ANKRD36C: variants seen among roughly 807,000 people sequenced by gnomAD.
The protein encoded by ANKRD36C is ankyrin repeat domain-containing protein 36C.
ANKRD36C carries 61 observed loss-of-function variants against 276.4 expected under a neutral mutation model. The ratio of observed to expected loss-of-function variants is 0.22; its 90% confidence interval spans 0.18 to 0.27. The LOEUF (loss-of-function observed/expected upper bound fraction) is 0.27. ANKRD36C is among the 10% of genes least tolerant of loss of function. The pLI is 1.00. For missense variants in ANKRD36C, 1,447 were observed against 2,032.3 expected (o/e 0.71, Z 5.54); for synonymous variants, 483 against 680.1 (o/e 0.71, Z 4.51).
Position 95,902,941 on chromosome 2 carries a change from T to C in ANKRD36C, c.2654-3605A>G. ...CTCTGGCTATATTCAAAAGAGAATC[T>C]TTCTCGTCTCTTGTAGCCTGAATGG... On this transcript the variant is annotated intron_variant, in intron 42 of 66. Transcript: ENST00000456556. The C allele has an allele frequency of 2.5e-6, 4 of 1,590,512 alleles. 1 individual carries two copies. The Admixed American group carries it at 6.8e-5, about 27-fold the overall frequency.
chr2:95,991,707 A>G (rs1679147502), exon 1 of ANKRD36C: 1 of 1,612,494 alleles, frequency 6.2e-7, no homozygotes, highest in Non-Finnish European at 8.5e-7. Flanking sequence ...CTTGTCATCC[A>G]TAATGGTCGG....
At chr2:95,892,108 A>G (rs968672739) in intron 44 of ANKRD36C, among the ~76,000 whole-genome samples, 4 of 151,570 alleles carry the variant, frequency 2.6e-5, no homozygotes, top group Non-Finnish European at 5.9e-5. Context: ...AAACTAAAAT[A>G]AAACCGTGTC....
At chr2:95,903,260 C>T (rs1676710670) in intron 42 of ANKRD36C, among the ~76,000 whole-genome samples, 179 bp from the exon 53 acceptor site, 1 of 150,512 alleles carries the variant, frequency 6.6e-6, no homozygotes, top group African/African-American at 2.4e-5. Context: ...AAAGGGAATA[C>T]AGGCTCCACG....
At chr2:95,991,464 C>T (rs778877598) in intron 1 of ANKRD36C, 48 bp downstream of exon 1, 9 of 1,547,478 alleles carry the variant, frequency 5.8e-6, no homozygotes, top group Non-Finnish European at 6.1e-6. Context: ...GGTACTTCTC[C>T]ACATCCACAG....
intron 4 of ANKRD36C, 116 bp from the exon 5 acceptor site, chr2:95,980,901 T>A: frequency 7.2e-7 from 1 of 1,389,344 alleles, no homozygotes. Flanking sequence ...TTACATGTAC[T>A]AAGAAACAAG....
chr2:95,989,691 A>G (rs1314874990), intron 1 of ANKRD36C, among the ~76,000 whole-genome samples: 2 of 152,242 alleles, frequency 1.3e-5, no homozygotes, highest in East Asian at 1.9e-4. Context: ...TGAAGGGCAC[A>G]TACATTTTTA....
At chr2:95,926,943 A>G (rs968251598) in intron 28 of ANKRD36C, among the ~76,000 whole-genome samples, 1 of 151,578 alleles carries the variant, frequency 6.6e-6, no homozygotes, top group African/African-American at 2.4e-5. Context: ...TGTAGAATTA[A>G]TGCAAAATTA....
chr2:95,982,923 A>G (rs1678949344), intron 3 of ANKRD36C, among the ~76,000 whole-genome samples: 1 of 148,368 alleles, frequency 6.7e-6, no homozygotes, highest in African/African-American at 2.5e-5. Context: ...TTATGTGTCT[A>G]GTATTTGAGA....
chr2:95,888,278 A>G (rs1408427256), intron 48 of ANKRD36C, among the ~76,000 whole-genome samples, 158 bp from the exon 69 acceptor site: 1 of 151,712 alleles, frequency 6.6e-6, no homozygotes, highest in African/African-American at 2.4e-5. Context: ...TATGACAGAA[A>G]TACACTGAAA....
intron 42 of ANKRD36C, 107 bp downstream of exon 46, chr2:95,910,266 T>A (rs1032562846): frequency 7.9e-6 from 10 of 1,266,300 alleles, no homozygotes; most frequent in African/African-American, 1.5e-5. Context: ...TCCGGCCTGC[T>A]GAATCAGAAA....
At chr2:95,888,966 T>C (rs1310146590) in intron 48 of ANKRD36C, among the ~76,000 whole-genome samples, 1 of 151,614 alleles carries the variant, frequency 6.6e-6, no homozygotes, top group Non-Finnish European at 1.5e-5. Context: ...TTCTAAAAAG[T>C]CTTCTTTGGA....
rs775569248 is a variant in ANKRD36C, at chr2:95,890,035, A to T, written c.2858-41T>A. Reference sequence around the variant, plus strand: ...GATACATAATCACTCATACGTAAATATGATAAAGTTATTCATACATTCATA... The same window carrying T: ...GATACATAATCACTCATACGTAAATTTGATAAAGTTATTCATACATTCATA... On this transcript the variant is annotated intron_variant, in intron 46 of 66. Coordinates refer to ENST00000456556, the Ensembl canonical transcript of ANKRD36C. 1.4e-5 allele frequency: 22 copies of T among 1,593,236 alleles called. No homozygotes were observed. In the African/African-American group the frequency reaches 2.7e-4, roughly 20 times the overall value.
At chr2:95,887,886 T>G (rs183534638) in intron 50 of ANKRD36C, 39 bp downstream of exon 70, 3 of 1,551,820 alleles carry the variant, frequency 1.9e-6, no homozygotes, top group African/African-American at 2.7e-5. Flanking sequence ...CTTTTCTATC[T>G]GGACTGAACA....
At chr2:95,989,091 C>G (rs1679087171) in intron 1 of ANKRD36C, among the ~76,000 whole-genome samples, 1 of 152,090 alleles carries the variant, frequency 6.6e-6, no homozygotes, top group African/African-American at 2.4e-5. Flanking sequence ...ATCACTTGAA[C>G]CTGAGAGGCA....
intron 59 of ANKRD36C, among the ~76,000 whole-genome samples, chr2:95,871,978 A>G (rs2104298380): frequency 6.7e-6 from 1 of 149,358 alleles, no homozygotes; most frequent in African/African-American, 2.5e-5. Flanking sequence ...TATCCTAAAT[A>G]TATATGCACC....
intron 6 of ANKRD36C, among the ~76,000 whole-genome samples, chr2:95,967,998 A>G (rs554685815): frequency 6.6e-6 from 1 of 152,290 alleles, no homozygotes; most frequent in South Asian, 2.1e-4. Flanking sequence ...AGGCCGAAAC[A>G]TGAGAATCGC....
exon 52 of ANKRD36C, chr2:95,886,065 C>A: frequency 6.2e-7 from 1 of 1,610,960 alleles, no homozygotes. Context: ...ACGTATTTGT[C>A]CATCCTTTAT....
rs556356669 is a variant in ANKRD36C at position 95,863,906 on chromosome 2, T to C, written c.3682+3534A>G. ...ATTTATATAACATGGATACACATCATTGTACATTTGTCCAAATCCATACAT... is the reference window on the plus strand; with the variant it reads ...ATTTATATAACATGGATACACATCACTGTACATTTGTCCAAATCCATACAT... On this transcript the variant is annotated intron_variant, in intron 60 of 66. Transcript: ENST00000456556. Among the ~76,000 whole-genome samples the C allele has an allele frequency of 9.9e-5, 15 of 152,198 alleles. No homozygotes were observed. The East Asian group carries it at 2.7e-3, about 27-fold the overall frequency.
intron 61 of ANKRD36C, among the ~76,000 whole-genome samples, chr2:95,858,902 G>A (rs952201536): frequency 1.3e-5 from 2 of 152,002 alleles, no homozygotes; most frequent in Non-Finnish European, 2.9e-5. Context: ...AAACAATAAA[G>A]AATAATACAT....
Sources: gnomAD v4.1 joint callset for allele counts (sites outside exome capture counted in the v4.1 genomes callset) on GRCh38, gnomAD v4.1.1 for gene constraint, MANE v1.5 for transcripts, NCBI Gene and HGNC (gene_info 2026-07-23, HGNC 2026-07-21) for gene names.